The following PTPRQ variants were observed in gnomAD, a reference collection of about 807,000 sequenced individuals.
The protein encoded by PTPRQ is protein tyrosine phosphatase receptor type Q, also known as phosphatidylinositol phosphatase PTPRQ.
PTPRQ carries 199 observed loss-of-function variants against 246.0 expected under a neutral mutation model. The observed-to-expected ratio is 0.81, with a 90% confidence interval of 0.72 to 0.91. The LOEUF is 0.91. Among genes scored for constraint, PTPRQ ranks in the 40% least tolerant of loss-of-function variants. The probability of loss-of-function intolerance (pLI) is 0.00; values close to 1 mark genes in which losing one functional copy is unlikely to be tolerated. For missense variants in PTPRQ, 2,624 were observed against 2,528.4 expected, an observed-to-expected ratio of 1.04 and a Z score of -0.81; for synonymous variants, 869 against 853.2, an observed-to-expected ratio of 1.02 and a Z score of -0.32.
At chr12:80,676,646 A>C (rs539491860) in intron 43 of PTPRQ, among the ~76,000 whole-genome samples, 1 of 152,168 alleles carries the variant, frequency 6.6e-6, no homozygotes, top group South Asian at 2.1e-4. Flanking sequence ...TGTTGCAAAC[A>C]ACAACAACAA....
rs1899589163 is a variant in PTPRQ at position 80,634,979 on chromosome 12, T to G, written c.5821T>G (p.Ser1941Ala). ...GAAGCAGAAAGAAGGTGGCACATACTCTCCTCAGGATGCAGAAATTATTGA... is the reference window on the plus strand; with the variant it reads ...GAAGCAGAAAGAAGGTGGCACATACGCTCCTCAGGATGCAGAAATTATTGA... ...RQKQKEGGTY[S>A]PQDAEIIDTK... Residue 1941 changes from serine (S) to alanine (A), a missense_variant, in exon 35 of 45, where the codon TCT becomes GCT. Transcript: ENST00000644991. The G allele has an allele frequency of 6.4e-7, 1 of 1,550,962 alleles. No individual in the cohort carries two copies. The highest frequency in any genetic ancestry group is 8.7e-7 in the Non-Finnish European group (1 of 1,146,676).
intron 3 of PTPRQ, among the ~76,000 whole-genome samples, chr12:80,456,814 T>A (rs558066013): frequency 6.6e-6 from 1 of 152,320 alleles, no homozygotes; most frequent in African/African-American, 2.4e-5. Context: ...GTATTTTACA[T>A]GTGCTATTTC....
intron 6 of PTPRQ, 55 bp from the exon 7 acceptor site, chr12:80,468,655 G>T: frequency 4.2e-6 from 6 of 1,431,628 alleles, no homozygotes; most frequent in East Asian, 2.7e-5. Context: ...TATTTAATAG[G>T]GTGCGCTTTC....
Position 80,648,884 on chromosome 12 carries a change from A to C in PTPRQ, c.5916-13A>C. 1.3e-6 allele frequency: 2 copies of C among 1,528,902 alleles called. No homozygotes were observed. The highest frequency in any genetic ancestry group is 1.8e-6 in the Non-Finnish European group (2 of 1,137,506). 94.7% of individuals were successfully genotyped at this position (1,528,902 alleles called of 1,614,324 possible). A position where few individuals can be genotyped will look rare whatever the true frequency, so the allele number is the denominator to read the frequency against. On this transcript the variant is annotated splice_polypyrimidine_tract_variant and intron_variant, in intron 35 of 44. Transcript: ENST00000644991. ...TCTGACTCACAATGCATTTAACACA[A>C]TCTCTATTGCAGGTTACTTAGTTAT...
intron 37 of PTPRQ, among the ~76,000 whole-genome samples, chr12:80,652,403 T>G (rs1900286670): frequency 6.6e-6 from 1 of 152,060 alleles, no homozygotes; most frequent in Admixed American, 6.6e-5. Flanking sequence ...TCCTACTAAG[T>G]AGACATTAAA....
chr12:80,620,066 T>C (rs1055119393), intron 31 of PTPRQ, 88 bp from the exon 32 acceptor site: 11 of 1,420,734 alleles, frequency 7.7e-6, no homozygotes, highest in Non-Finnish European at 1.0e-5. Flanking sequence ...GAGAGTCCCC[T>C]TATACAATTA....
chr12:80,506,743 A>C (rs1205681558), intron 16 of PTPRQ, 73 bp downstream of exon 16: 14 of 1,382,664 alleles, frequency 1.0e-5, no homozygotes, highest in Non-Finnish European at 1.2e-5. Flanking sequence ...AGAATGAAAC[A>C]ATGTAAAAAC....
At chr12:80,570,322 G>A (rs1007607307) in intron 25 of PTPRQ, among the ~76,000 whole-genome samples, 1 of 152,128 alleles carries the variant, frequency 6.6e-6, no homozygotes, top group Non-Finnish European at 1.5e-5. Flanking sequence ...TTGCATTTCT[G>A]TAATGACCAG....
chr12:80,615,310 C>T (rs1220343914), intron 29 of PTPRQ, among the ~76,000 whole-genome samples: 1 of 150,550 alleles, frequency 6.6e-6, no homozygotes, highest in African/African-American at 2.4e-5. Context: ...AATATTAACT[C>T]AATAAAAACA....
chr12:80,622,586 T>C (rs1054613167), intron 33 of PTPRQ, among the ~76,000 whole-genome samples: 2 of 152,066 alleles, frequency 1.3e-5, no homozygotes, highest in Non-Finnish European at 1.5e-5. Context: ...TAAGCCCTAA[T>C]GTTGACTCCA....
intron 26 of PTPRQ, among the ~76,000 whole-genome samples, chr12:80,598,298 T>C (rs1898034927): frequency 6.6e-6 from 1 of 151,992 alleles, no homozygotes; most frequent in African/African-American, 2.4e-5. Context: ...ACACTGACAG[T>C]GGTGATGCGT....
At position 80,669,107 on chromosome 12, in the gene PTPRQ, T is replaced by C. The variant is rs1441396716; in HGVS notation, c.6293T>C (p.Leu2098Ser). The C allele has an allele frequency of 2.6e-6, 4 of 1,550,330 alleles. No individual in the cohort carries two copies. The East Asian group carries it at 9.8e-5, about 38-fold the overall frequency. ...RMVWETRAKT[L>S]VMLTQCFEKG... ...GTGTGGGAAACCAGAGCAAAAACAT[T>C]AGTAATGCTAACACAGTGTTTTGAA... Residue 2098 changes from leucine (L) to serine (S), a missense_variant, in exon 40 of 45, where the codon TTA becomes TCA. Transcript: ENST00000644991.
intron 17 of PTPRQ, among the ~76,000 whole-genome samples, chr12:80,515,744 T>TA (rs1895275406): frequency 6.9e-6 from 1 of 144,780 alleles, no homozygotes; most frequent in Non-Finnish European, 1.5e-5. Flanking sequence ...GAATATTTCT[T>TA]TTTTTTTTTT....
At chr12:80,471,728 C>T (rs190448094) in intron 7 of PTPRQ, among the ~76,000 whole-genome samples, 74 of 151,334 alleles carry the variant, frequency 4.9e-4, no homozygotes, top group African/African-American at 1.5e-3. Context: ...CCGCCCGCCT[C>T]GGCCTCCCAA....
intron 17 of PTPRQ, among the ~76,000 whole-genome samples, chr12:80,532,597 G>T (rs757165784): frequency 3.3e-5 from 5 of 152,246 alleles, no homozygotes; most frequent in African/African-American, 1.2e-4. Flanking sequence ...AATGATAAGA[G>T]TATGGAATTA....
rs773429164 is a variant in PTPRQ, at chr12:80,484,494, T to A, written c.1248T>A (p.Thr416=). Residue 416 remains threonine (T), a synonymous_variant, in exon 9 of 45, where the codon ACT becomes ACA. Transcript: ENST00000644991. ...TAGAATCCACGCAAGTAAGAATTAC[T>A]TGGAAGAAACCACGACAACCAAATG... The part of the protein sequence containing the change: ...AEVESTQVRI[T]WKKPRQPNGI... The A allele has an allele frequency of 3.9e-6, 6 of 1,551,368 alleles. No homozygotes were observed. In the East Asian group the frequency reaches 1.5e-4, roughly 38 times the overall value.
rs1440940453 is a variant in PTPRQ at position 80,495,176 on chromosome 12, C to T, written c.1703-16C>T. ...GATACTTTTTTTTCATTCATATGTT[C>T]ATTCTTCTTTTTAAGTGCCAAGCTC... On this transcript the variant is annotated splice_polypyrimidine_tract_variant and intron_variant, in intron 11 of 44. Transcript: ENST00000644991. The T allele has an allele frequency of 6.5e-7, 1 of 1,544,390 alleles. No homozygotes were observed. The highest frequency in any genetic ancestry group is 1.2e-5 in the South Asian group (1 of 81,638).
Position 80,484,552 on chromosome 12 carries a change from G to A in PTPRQ, c.1306G>A (p.Val436Ile). Reference protein sequence around the residue: ...IINQYRVKVLVPETGIILENT... With the variant: ...IINQYRVKVLIPETGIILENT... ...TAACCAATACCGAGTGAAAGTGCTA[G>A]TTCCAGAGACAGGAATAATTTTGGA... The change falls in exon 9 of 45, where the codon GTT becomes ATT. Residue 436 changes from valine to isoleucine, a missense_variant. Val to Ile is a conservative substitution (Grantham distance 29, BLOSUM62 3). Coordinates refer to ENST00000644991, the MANE Select transcript of PTPRQ (RefSeq NM_001145026.2). 7 of 1,550,728 alleles carry A rather than the reference G, an allele frequency of 4.5e-6. No homozygotes were observed. Among genetic ancestry groups the A allele is most frequent in the Non-Finnish European group, 6.1e-6 (7 of 1,146,730 alleles).
chr12:80,483,111 G>T (rs1232703805), intron 8 of PTPRQ, among the ~76,000 whole-genome samples: 1 of 124,442 alleles, frequency 8.0e-6, no homozygotes, highest in Admixed American at 8.5e-5. Context: ...CAATAGCAAA[G>T]ACTTGGAACC....
Sources: allele counts gnomAD v4.1 joint callset (sites outside exome capture counted in the v4.1 genomes callset), GRCh38; gene constraint gnomAD v4.1.1; transcripts MANE v1.5; gene names NCBI Gene and HGNC (gene_info 2026-07-23, HGNC 2026-07-21).